ANKRD12: variants seen among roughly 807,000 people sequenced by gnomAD.
The protein encoded by ANKRD12 is ankyrin repeat domain-containing protein 12.
A neutral mutation model predicts 183.4 loss-of-function variants in ANKRD12; 85 were observed. That is an observed-to-expected ratio of 0.46 (90% confidence interval 0.39 to 0.56). ANKRD12 has a LOEUF of 0.56. Ranked by LOEUF, ANKRD12 falls within the 20% of genes least tolerant of loss-of-function variation. ANKRD12 has a pLI of 0.00. For missense variants in ANKRD12, 2,405 were observed against 2,357.1 expected (o/e 1.02, Z -0.42); for synonymous variants, 914 against 800.2 (o/e 1.14, Z -2.40).
intron 8 of ANKRD12, among the ~76,000 whole-genome samples, chr18:9,249,429 C>T (rs1163014640): frequency 6.6e-6 from 1 of 152,136 alleles, no homozygotes; most frequent in Non-Finnish European, 1.5e-5. Context: ...ACACAGAATG[C>T]ATTGGGGATA....
At chr18:9,254,139 A>G (rs2038458901) in intron 8 of ANKRD12, 72 bp from the exon 9 acceptor site, 2 of 1,433,966 alleles carry the variant, frequency 1.4e-6, no homozygotes, top group Non-Finnish European at 1.8e-6. Flanking sequence ...TCTTTTTCTC[A>G]GAAAAAAAAA....
chr18:9,178,342 TC>T lies in ANKRD12; in HGVS notation c.-51-4039del, dbSNP rs759070112. Among the ~76,000 whole-genome samples the T allele has an allele frequency of 2.0e-3, 227 of 113,714 alleles. 1 individual carries two copies. The highest frequency in any genetic ancestry group is 0.011 in the East Asian group (46 of 4,090). The allele number at this position is 113,714 out of a possible 152,430, so 74.6% of individuals were successfully genotyped here. The stretch of plus-strand genomic sequence containing the variant: ...AAGATTCTCTCTCTCTCTCTCTCTC[TC>T]GTTTTTTGCATTTGGATATACAGTT... On this transcript the variant is annotated intron_variant, in intron 1 of 12. Coordinates refer to ENST00000262126, the MANE Select transcript of ANKRD12 (RefSeq NM_015208.5).
rs1397318931 is a variant in ANKRD12 at position 9,225,343 on chromosome 18, G to A, written c.943+3344G>A. Among the ~76,000 whole-genome samples, 6 of 81,410 alleles carry A rather than the reference G, an allele frequency of 7.4e-5. 2 individuals are homozygous for A. The highest frequency in any genetic ancestry group is 3.0e-4 in the Admixed American group (2 of 6,576). The allele number at this position is 81,410 out of a possible 152,430, so 53.4% of individuals were successfully genotyped here. A position where few individuals can be genotyped will look rare whatever the true frequency, so the allele number is the denominator to read the frequency against. On this transcript the variant is annotated intron_variant, in intron 8 of 12. Coordinates refer to ENST00000262126, the MANE Select transcript of ANKRD12 (RefSeq NM_015208.5). ...ACAAAAATTAGCCAGGCATGGTGGC[G>A]TGCGTCTGTAGTACCAGCTACTTGG...
chr18:9,149,221 T>C (rs1250743242), intron 1 of ANKRD12, among the ~76,000 whole-genome samples: 1 of 152,226 alleles, frequency 6.6e-6, no homozygotes, highest in Non-Finnish European at 1.5e-5. Flanking sequence ...GCTAGGATTG[T>C]GTTTTGTTCA....
intron 3 of ANKRD12, among the ~76,000 whole-genome samples, chr18:9,196,853 T>TC (rs1177421980): frequency 2.6e-5 from 4 of 152,100 alleles, no homozygotes; most frequent in Non-Finnish European, 4.4e-5. Flanking sequence ...CTTTTTTTTT[T>TC]CCCCCCGAAG....
At chr18:9,168,490 T>G (rs2032325443) in intron 1 of ANKRD12, among the ~76,000 whole-genome samples, 1 of 152,228 alleles carries the variant, frequency 6.6e-6, no homozygotes, top group South Asian at 2.1e-4. Context: ...CTTCTTGATT[T>G]TCTAGTTTAT....
chr18:9,158,143 G>A, intron 1 of ANKRD12, among the ~76,000 whole-genome samples: 1 of 152,186 alleles, frequency 6.6e-6, no homozygotes, highest in Non-Finnish European at 1.5e-5. Flanking sequence ...CTTTAGTAGA[G>A]TGGTTTTAGA....
At chr18:9,159,500 C>T (rs1036719065) in intron 1 of ANKRD12, among the ~76,000 whole-genome samples, 69 of 150,984 alleles carry the variant, frequency 4.6e-4, no homozygotes, top group African/African-American at 1.6e-3. Context: ...GGCGCAATCT[C>T]GGCTCACTGG....
At chr18:9,145,386 C>T (rs2078459418) in intron 1 of ANKRD12, among the ~76,000 whole-genome samples, 1 of 152,240 alleles carries the variant, frequency 6.6e-6, no homozygotes, top group African/African-American at 2.4e-5. Flanking sequence ...GGCAGGGATT[C>T]GGGAAGATAC....
At chr18:9,141,658 A>G (rs1046075654) in intron 1 of ANKRD12, among the ~76,000 whole-genome samples, 2 of 152,214 alleles carry the variant, frequency 1.3e-5, no homozygotes, top group African/African-American at 4.8e-5. Flanking sequence ...AAAAAATTCT[A>G]AAAATTTAAA....
At chr18:9,269,070 G>C (rs1482264728) in intron 10 of ANKRD12, among the ~76,000 whole-genome samples, 1 of 152,122 alleles carries the variant, frequency 6.6e-6, no homozygotes, top group Non-Finnish European at 1.5e-5. Flanking sequence ...CAAGGGATGT[G>C]AAGGACCTCT....
intron 8 of ANKRD12, among the ~76,000 whole-genome samples, chr18:9,226,950 C>T (rs952488774): frequency 6.6e-6 from 1 of 152,106 alleles, no homozygotes; most frequent in Non-Finnish European, 1.5e-5. Flanking sequence ...GCAATACCTG[C>T]TCCTAGACTG....
chr18:9,278,776 T>TC (rs2039973027), intron 11 of ANKRD12, among the ~76,000 whole-genome samples: 1 of 149,742 alleles, frequency 6.7e-6, no homozygotes, highest in South Asian at 2.1e-4. Context: ...AGAGAGAGAC[T>TC]CCATCTCAAA....
intron 1 of ANKRD12, among the ~76,000 whole-genome samples, chr18:9,168,558 T>C (rs1298838650): frequency 6.6e-6 from 1 of 152,218 alleles, no homozygotes; most frequent in African/African-American, 2.4e-5. Flanking sequence ...GTGGGATCGG[T>C]GGTGGTATCC....
intron 8 of ANKRD12, 103 bp from the exon 9 acceptor site, chr18:9,254,108 A>G: frequency 8.1e-7 from 1 of 1,229,384 alleles, no homozygotes; most frequent in Non-Finnish European, 1.1e-6. Flanking sequence ...ATTGTTTGAA[A>G]TATGTATTGT....
intron 8 of ANKRD12, among the ~76,000 whole-genome samples, chr18:9,235,162 AT>A (rs931925993): frequency 1.3e-5 from 2 of 152,226 alleles, no homozygotes; most frequent in African/African-American, 4.8e-5. Context: ...TAAAAAATTA[AT>A]TCATCATCAT....
At chr18:9,199,836 TTTG>T (rs2035063902) in intron 3 of ANKRD12, among the ~76,000 whole-genome samples, 1 of 152,210 alleles carries the variant, frequency 6.6e-6, no homozygotes, top group African/African-American at 2.4e-5. Flanking sequence ...TGCTAGTTCC[TTTG>T]TTGTTTTATG....
In ANKRD12 at chr18:9,256,135, G is replaced by A. The variant is rs750779447; in HGVS notation, c.2868G>A (p.Arg956=). The A allele has an allele frequency of 1.1e-4, 173 of 1,555,136 alleles. 1 individual carries two copies. The East Asian group carries it at 3.9e-3, about 35-fold the overall frequency. Reference sequence around the variant, plus strand: ...AAGGCAAAAATAAAGAAAAAGACAGGGAGCTAGATAAAAAGGAAAAATCTA... The same window carrying A: ...AAGGCAAAAATAAAGAAAAAGACAGAGAGCTAGATAAAAAGGAAAAATCTA... The part of the protein sequence containing the change: ...SEKGKNKEKD[R]ELDKKEKSRD... Residue 956 remains arginine (R), a synonymous_variant, in exon 9 of 13, where the codon AGG becomes AGA. Transcript: ENST00000262126.
chr18:9,150,061 T>C (rs1472588554), intron 1 of ANKRD12, among the ~76,000 whole-genome samples: 1 of 152,138 alleles, frequency 6.6e-6, no homozygotes, highest in Non-Finnish European at 1.5e-5. Context: ...CACAAAGTGC[T>C]GGGAATACAG....
Sources: gnomAD v4.1 joint callset for allele counts (sites outside exome capture counted in the v4.1 genomes callset) on GRCh38, gnomAD v4.1.1 for gene constraint, MANE v1.5 for transcripts, NCBI Gene and HGNC (gene_info 2026-07-23, HGNC 2026-07-21) for gene names.